Variants in CDH12 observed in about 807,000 individuals in gnomAD.
CDH12 encodes cadherin 12.
Under a neutral mutation model 74.1 loss-of-function variants are expected in CDH12, and 41 were observed. The ratio of observed to expected loss-of-function variants is 0.55; its 90% confidence interval spans 0.43 to 0.72. CDH12 has a LOEUF of 0.72. Ranked by LOEUF, CDH12 falls within the 30% of genes least tolerant of loss-of-function variation. The pLI, the probability that CDH12 is intolerant of heterozygous loss-of-function variation, is 0.00. For missense variants in CDH12, 945 were observed against 977.2 expected (o/e 0.97, Z 0.44); for synonymous variants, 399 against 355.0 (o/e 1.12, Z -1.39).
chr5:22,639,573 C>T (rs1739034096), intron 1 of CDH12, among the ~76,000 whole-genome samples: 1 of 151,910 alleles, frequency 6.6e-6, no homozygotes, highest in African/African-American at 2.4e-5. Flanking sequence ...GGGACCCAGA[C>T]TCTTGGTTGG....
intron 1 of CDH12, among the ~76,000 whole-genome samples, chr5:22,508,014 C>T (rs1736456668): frequency 6.6e-6 from 1 of 152,140 alleles, no homozygotes; most frequent in African/African-American, 2.4e-5. Context: ...AATCTTCTGC[C>T]TCTCATTTTT....
chr5:22,160,654 T>C (rs1183628953), intron 4 of CDH12, among the ~76,000 whole-genome samples: 6 of 152,316 alleles, frequency 3.9e-5, no homozygotes, highest in African/African-American at 1.4e-4. Context: ...CTGGCTGATT[T>C]AGTGTCTGGT....
chr5:22,173,549 T>C (rs557175214), intron 4 of CDH12, among the ~76,000 whole-genome samples: 2 of 151,382 alleles, frequency 1.3e-5, no homozygotes, highest in African/African-American at 2.4e-5. Context: ...TAGAATCCTA[T>C]ATACAGATTA....
intron 4 of CDH12, among the ~76,000 whole-genome samples, chr5:22,107,978 T>C (rs930238776): frequency 6.6e-6 from 1 of 152,194 alleles, no homozygotes; most frequent in Admixed American, 6.5e-5. Flanking sequence ...CTCAAAACTA[T>C]AATGTTCAGT....
At chr5:21,875,346 C>G (rs1452775923) in intron 6 of CDH12, among the ~76,000 whole-genome samples, 4 of 152,156 alleles carry the variant, frequency 2.6e-5, no homozygotes, top group Non-Finnish European at 5.9e-5. Flanking sequence ...TGCATTAATT[C>G]ATGTGAAAAT....
At chr5:22,506,638 CAG>C (rs1736397485) in intron 1 of CDH12, among the ~76,000 whole-genome samples, 1 of 151,698 alleles carries the variant, frequency 6.6e-6, no homozygotes, top group Non-Finnish European at 1.5e-5. Flanking sequence ...TTCTTTTTAT[CAG>C]AGAATGGTGA....
rs183751426 is a variant in CDH12 at position 21,795,550 on chromosome 5, A to G, written c.1256+6617T>C. Reference sequence around the variant, plus strand: ...ATCTCTGCTGCTGTGCAGTTTATATACTAATGGGAAGCAGAAGAAAATAAA... The same window carrying G: ...ATCTCTGCTGCTGTGCAGTTTATATGCTAATGGGAAGCAGAAGAAAATAAA... On this transcript the variant is annotated intron_variant, in intron 10 of 14. Transcript: ENST00000382254. Among the ~76,000 whole-genome samples, 8 of 152,046 alleles carry G rather than the reference A, an allele frequency of 5.3e-5. No homozygotes were observed. The East Asian group carries it at 1.5e-3, about 29-fold the overall frequency.
At chr5:21,870,095 G>T (rs960757112) in intron 6 of CDH12, among the ~76,000 whole-genome samples, 1 of 152,028 alleles carries the variant, frequency 6.6e-6, no homozygotes, top group Non-Finnish European at 1.5e-5. Context: ...CTTCACCTAC[G>T]GGCATCCATG....
At chr5:22,511,818 GA>G (rs1040966293) in intron 1 of CDH12, among the ~76,000 whole-genome samples, 6 of 152,066 alleles carry the variant, frequency 3.9e-5, no homozygotes, top group African/African-American at 4.8e-5. Context: ...TGGCATTTTT[GA>G]AAAGCATTTC....
chr5:22,277,273 C>T (rs926875011), intron 3 of CDH12, among the ~76,000 whole-genome samples: 4 of 152,204 alleles, frequency 2.6e-5, no homozygotes, highest in African/African-American at 9.6e-5. Flanking sequence ...CTCTCAATGG[C>T]AGACAAACTG....
chr5:22,311,088 C>T (rs1738369126), intron 3 of CDH12, among the ~76,000 whole-genome samples: 1 of 152,086 alleles, frequency 6.6e-6, no homozygotes, highest in African/African-American at 2.4e-5. Flanking sequence ...AGAACTTACT[C>T]AATTCATCTG....
intron 9 of CDH12, among the ~76,000 whole-genome samples, chr5:21,809,930 G>A (rs1747656733): frequency 6.6e-6 from 1 of 152,024 alleles, no homozygotes; most frequent in Non-Finnish European, 1.5e-5. Flanking sequence ...TTGCCTGAGG[G>A]ACTCTAGGAG....
Position 21,896,661 on chromosome 5 carries a change from A to G in CDH12, c.527-41871T>C, listed in dbSNP as rs1184235882. On this transcript the variant is annotated intron_variant, in intron 6 of 14. Coordinates refer to ENST00000382254, the MANE Select transcript of CDH12 (RefSeq NM_004061.5). ...AGTTTTGCTGTTATTTTGAAATCAA[A>G]GAATCAAGTAAGACTGACAAATGAT... Among the ~76,000 whole-genome samples the G allele has an allele frequency of 6.3e-5, 4 of 63,098 alleles. No homozygotes were observed. The East Asian group carries it at 2.1e-3, about 33-fold the overall frequency. 41.4% of individuals were successfully genotyped at this position (63,098 alleles called of 152,430 possible). A position where few individuals can be genotyped will look rare whatever the true frequency, so the allele number is the denominator to read the frequency against.
chr5:22,253,561 T>C (rs1458555547), intron 3 of CDH12, among the ~76,000 whole-genome samples: 1 of 151,944 alleles, frequency 6.6e-6, no homozygotes, highest in Non-Finnish European at 1.5e-5. Flanking sequence ...TTTTCATATT[T>C]TATTCATATA....
chr5:22,263,065 C>T (rs1753581476), intron 3 of CDH12, among the ~76,000 whole-genome samples: 1 of 151,908 alleles, frequency 6.6e-6, no homozygotes, highest in South Asian at 2.1e-4. Flanking sequence ...GACATTTATG[C>T]AGCCAAAAAA....
intron 2 of CDH12, among the ~76,000 whole-genome samples, chr5:22,434,775 T>C (rs1744312081): frequency 6.6e-6 from 1 of 152,168 alleles, no homozygotes; most frequent in Non-Finnish European, 1.5e-5. Flanking sequence ...GCTTTTTTTT[T>C]CTTAAATTTT....
chr5:22,107,707 AG>A (rs1279741484), intron 4 of CDH12, among the ~76,000 whole-genome samples: 2 of 152,098 alleles, frequency 1.3e-5, no homozygotes, highest in African/African-American at 4.8e-5. Context: ...AGGTAAACAA[AG>A]GGGGCAGGGG....
intron 3 of CDH12, among the ~76,000 whole-genome samples, chr5:22,227,900 G>A (rs549768797): frequency 4.6e-5 from 7 of 152,038 alleles, no homozygotes; most frequent in Middle Eastern, 3.2e-3. Flanking sequence ...GAATGCTTTC[G>A]GATTGTCTTA....
intron 2 of CDH12, among the ~76,000 whole-genome samples, chr5:22,441,973 G>A (rs1452028890): frequency 6.6e-6 from 1 of 151,944 alleles, no homozygotes; most frequent in Non-Finnish European, 1.5e-5. Flanking sequence ...CAAAGTGCTG[G>A]GATTACAAGC....
Sources: gnomAD v4.1 joint callset for allele counts (sites outside exome capture counted in the v4.1 genomes callset) on GRCh38, gnomAD v4.1.1 for gene constraint, MANE v1.5 for transcripts, NCBI Gene and HGNC (gene_info 2026-07-23, HGNC 2026-07-21) for gene names.